The following TMEM178B variants were observed in gnomAD, a reference collection of about 807,000 sequenced individuals.
The protein encoded by TMEM178B is transmembrane protein 178B.
TMEM178B carries 5 observed loss-of-function variants against 31.0 expected under a neutral mutation model. That is an observed-to-expected ratio of 0.16 (90% CI 0.08 to 0.34). The LOEUF is 0.34. Ranked by LOEUF, TMEM178B falls within the 10% of genes least tolerant of loss-of-function variation. TMEM178B has a pLI of 1.00. For missense variants in TMEM178B, 275 were observed against 400.3 expected (o/e 0.69, Z 2.67); for synonymous variants, 164 against 164.0 (o/e 1.00, Z 0.00).
intron 2 of TMEM178B, among the ~76,000 whole-genome samples, chr7:141,245,596 C>T (rs1453393862): frequency 6.6e-6 from 1 of 152,200 alleles, no homozygotes; most frequent in African/African-American, 2.4e-5. Flanking sequence ...TGAGAATCCT[C>T]TCCTGCAAAC....
chr7:141,162,425 A>G (rs899114467), intron 1 of TMEM178B, among the ~76,000 whole-genome samples: 26 of 152,358 alleles, frequency 1.7e-4, no homozygotes, highest in African/African-American at 6.3e-4. Flanking sequence ...CACCTGAACA[A>G]TGTTTACATA....
intron 2 of TMEM178B, among the ~76,000 whole-genome samples, chr7:141,336,593 G>A (rs1799392434): frequency 6.6e-6 from 1 of 151,976 alleles, no homozygotes; most frequent in African/African-American, 2.4e-5. Context: ...GATTGGCTCA[G>A]TTAATCTTAG....
chr7:141,319,921 T>C (rs1233983644), intron 2 of TMEM178B, among the ~76,000 whole-genome samples: 1 of 152,178 alleles, frequency 6.6e-6, no homozygotes, highest in Non-Finnish European at 1.5e-5. Context: ...ACCTGACTCA[T>C]AGGATCAGTG....
intron 2 of TMEM178B, chr7:141,352,914 G>T (rs1280881493): frequency 1.3e-5 from 2 of 152,184 alleles, no homozygotes; most frequent in African/African-American, 2.4e-5. Context: ...AATGTGCCAG[G>T]CTCAGTAAGA....
chr7:141,075,052 G>T (rs983532744), intron 1 of TMEM178B, among the ~76,000 whole-genome samples: 1 of 152,180 alleles, frequency 6.6e-6, no homozygotes, highest in Non-Finnish European at 1.5e-5. Flanking sequence ...CATGTGTCAG[G>T]GGTAGACAGG....
chr7:141,150,005 G>A (rs957178666), intron 1 of TMEM178B, among the ~76,000 whole-genome samples: 2 of 152,156 alleles, frequency 1.3e-5, no homozygotes, highest in Non-Finnish European at 2.9e-5. Context: ...AGTGGGAGGT[G>A]AAGGAAAGAG....
chr7:141,202,089 C>T (rs1335724013), intron 1 of TMEM178B, among the ~76,000 whole-genome samples: 1 of 152,112 alleles, frequency 6.6e-6, no homozygotes, highest in South Asian at 2.1e-4. Context: ...GATAATAATG[C>T]ACCTTTTAGC....
At chr7:141,321,081 G>A (rs977724590) in intron 2 of TMEM178B, among the ~76,000 whole-genome samples, 2 of 152,196 alleles carry the variant, frequency 1.3e-5, no homozygotes, top group Admixed American at 6.5e-5. Flanking sequence ...CTTCTTAAGT[G>A]CATGCAGTTC....
chr7:141,170,620 C>T (rs1352108776), intron 1 of TMEM178B, among the ~76,000 whole-genome samples: 1 of 152,170 alleles, frequency 6.6e-6, no homozygotes, highest in Non-Finnish European at 1.5e-5. Context: ...TCAAATTCCC[C>T]CCCATATCTG....
intron 2 of TMEM178B, among the ~76,000 whole-genome samples, chr7:141,232,376 A>G (rs929099563): frequency 6.6e-6 from 1 of 152,132 alleles, no homozygotes; most frequent in Non-Finnish European, 1.5e-5. Context: ...GTCTTTGAGG[A>G]GTCGTCACAC....
At chr7:141,376,226 T>G (rs1283928325) in intron 2 of TMEM178B, among the ~76,000 whole-genome samples, 1 of 152,200 alleles carries the variant, frequency 6.6e-6, no homozygotes. Context: ...AGCCAGCTAA[T>G]AATAAGAAGA....
chr7:141,214,631 T>A (rs1797102442), intron 2 of TMEM178B, among the ~76,000 whole-genome samples: 1 of 152,182 alleles, frequency 6.6e-6, no homozygotes, highest in Non-Finnish European at 1.5e-5. Flanking sequence ...TCAAAGAGAT[T>A]ACCTAGGGAG....
At chr7:141,438,875 C>CAAAAAACA (rs1554488078) in intron 3 of TMEM178B, among the ~76,000 whole-genome samples, 1 of 132,746 alleles carries the variant, frequency 7.5e-6, no homozygotes, top group Non-Finnish European at 1.6e-5. Context: ...GATTCCGTCT[C>CAAAAAACA]AAAAAAAAAG....
At chr7:141,469,725 G>A (rs1252903652) in intron 3 of TMEM178B, among the ~76,000 whole-genome samples, 1 of 152,144 alleles carries the variant, frequency 6.6e-6, no homozygotes, top group Non-Finnish European at 1.5e-5. Flanking sequence ...TTTAAAATGG[G>A]TTTATAATTC....
chr7:141,379,291 AC>A, intron 2 of TMEM178B, among the ~76,000 whole-genome samples: 1 of 146,722 alleles, frequency 6.8e-6, no homozygotes, highest in South Asian at 2.2e-4. Flanking sequence ...TCATAGTGAG[AC>A]CCCTGTTTTT....
intron 2 of TMEM178B, among the ~76,000 whole-genome samples, chr7:141,430,802 G>A (rs548463873): frequency 6.6e-6 from 1 of 152,150 alleles, no homozygotes; most frequent in East Asian, 1.9e-4. Context: ...TGATCCTTTA[G>A]GACAAAAACA....
chr7:141,485,833 C>T, the TMEM178B span, among the ~76,000 whole-genome samples: 1 of 152,224 alleles, frequency 6.6e-6, no homozygotes, highest in Non-Finnish European at 1.5e-5. Flanking sequence ...ATAATATCCA[C>T]AGTTCCATCC....
intron 3 of TMEM178B, among the ~76,000 whole-genome samples, chr7:141,438,886 A>G (rs973609909): frequency 6.8e-6 from 1 of 147,668 alleles, no homozygotes; most frequent in African/African-American, 2.5e-5. Context: ...AAAAAAAAAG[A>G]AAGAAAAAGA....
chr7:141,404,968 C>G (rs1417662960), intron 2 of TMEM178B, among the ~76,000 whole-genome samples: 1 of 152,222 alleles, frequency 6.6e-6, no homozygotes, highest in Non-Finnish European at 1.5e-5. Flanking sequence ...CCGTCCACCC[C>G]CTTGCAGTAT....
Sources: allele counts gnomAD v4.1 joint callset (sites outside exome capture counted in the v4.1 genomes callset), GRCh38; gene constraint gnomAD v4.1.1; transcripts MANE v1.5; gene names NCBI Gene and HGNC (gene_info 2026-07-23, HGNC 2026-07-21).